HELQ: variants seen among roughly 807,000 people sequenced by gnomAD.
HELQ encodes helicase, POLQ like, also known as helicase POLQ-like.
Under a neutral mutation model 111.6 loss-of-function variants are expected in HELQ, and 77 were observed. The observed-to-expected ratio is 0.69, with a 90% CI of 0.57 to 0.83. The LOEUF (loss-of-function observed/expected upper bound fraction) is 0.83, where lower values mean the gene tolerates loss of function less well. HELQ is among the 40% of genes least tolerant of loss of function. HELQ has a pLI of 0.00. For missense variants in HELQ, 1,200 were observed against 1,288.5 expected, an observed-to-expected ratio of 0.93 and a Z score of 1.05; for synonymous variants, 438 against 454.7, an observed-to-expected ratio of 0.96 and a Z score of 0.47.
At position 83,455,509 on chromosome 4, in the gene HELQ, TCAA is replaced by T. The variant is rs751643500; in HGVS notation, c.182_184del (p.Val61del). ...ATCTGAGAGTAGAAGGGGCTGTACC[TCAA>T]CCGGCAGTACGCCCGCGGTTTTCCG... On this transcript the variant is annotated inframe_deletion, in exon 1 of 18. Coordinates refer to ENST00000295488, the MANE Select transcript of HELQ (RefSeq NM_133636.5). The T allele has an allele frequency of 2.4e-5, 38 of 1,614,028 alleles. No individual in the cohort carries two copies. The Admixed American group carries it at 5.3e-4, about 23-fold the overall frequency.
chr4:83,417,571 C>T (rs746113488), intron 16 of HELQ, among the ~76,000 whole-genome samples: 5 of 152,158 alleles, frequency 3.3e-5, no homozygotes, highest in Middle Eastern at 3.4e-3. Flanking sequence ...TGTGTGTGTG[C>T]GTGTGTCCTA....
intron 9 of HELQ, among the ~76,000 whole-genome samples, chr4:83,433,529 G>T (rs528854220): frequency 6.6e-6 from 1 of 151,990 alleles, no homozygotes; most frequent in Non-Finnish European, 1.5e-5. Flanking sequence ...AGCTGGTCGT[G>T]GTGGCAGGCG....
In HELQ at chr4:83,453,598, A is replaced by G. The variant is rs757237534; in HGVS notation, c.645T>C (p.Asp215=). 156 of 1,612,348 alleles carry G rather than the reference A, an allele frequency of 9.7e-5. No individual in the cohort carries two copies. The highest frequency in any genetic ancestry group is 1.3e-4 in the Non-Finnish European group (155 of 1,178,606). ...NLQNSSNDLG[D]HSMKERDWKS... is the part of the protein sequence containing the mutation. ...TCCAATCCCTTTCTTTCATAGAATG[A>G]TCACCCAAATCATTTGAAGAGTTCT... is the stretch of plus-strand genomic sequence containing the variant. Residue 215 remains aspartate, a synonymous_variant, in exon 2 of 18, where the codon GAT becomes GAC. Transcript: ENST00000295488.
intron 6 of HELQ, among the ~76,000 whole-genome samples, chr4:83,442,341 T>G (rs1426886709): frequency 6.9e-6 from 1 of 144,468 alleles, no homozygotes; most frequent in Non-Finnish European, 1.5e-5. Context: ...AAACACAGCT[T>G]ACTGTATCCT....
intron 14 of HELQ, among the ~76,000 whole-genome samples, chr4:83,424,177 A>C (rs771753092): frequency 8.5e-5 from 13 of 152,190 alleles, no homozygotes; most frequent in Non-Finnish European, 1.8e-4. Flanking sequence ...ATGTAACAAA[A>C]ATAAATTCTG....
chr4:83,423,449 C>T (rs781227647), intron 14 of HELQ, among the ~76,000 whole-genome samples: 1 of 152,150 alleles, frequency 6.6e-6, no homozygotes, highest in East Asian at 1.9e-4. Flanking sequence ...AGTATGACAG[C>T]TGAACATCAA....
chr4:83,416,961 A>G, intron 16 of HELQ, 96 bp from the exon 17 acceptor site: 1 of 1,033,822 alleles, frequency 9.7e-7, no homozygotes, highest in East Asian at 2.5e-5. Context: ...TGCATGTAAG[A>G]GACTGGGATA....
chr4:83,440,637 A>G (rs1720710289), intron 7 of HELQ, among the ~76,000 whole-genome samples: 1 of 152,252 alleles, frequency 6.6e-6, no homozygotes, highest in South Asian at 2.1e-4. Flanking sequence ...TCCTTCATAC[A>G]AGTCATAAAA....
chr4:83,418,837 G>C (rs1427430579), intron 15 of HELQ, among the ~76,000 whole-genome samples: 1 of 152,170 alleles, frequency 6.6e-6, no homozygotes, highest in Non-Finnish European at 1.5e-5. Flanking sequence ...ACGTAATGAA[G>C]ATGGCAGAGT....
intron 17 of HELQ, among the ~76,000 whole-genome samples, chr4:83,409,703 TGAG>T (rs1738986861): frequency 6.6e-6 from 1 of 152,002 alleles, no homozygotes; most frequent in South Asian, 2.1e-4. Context: ...TCTGGAGATA[TGAG>T]GAGGAGTAGA....
intron 5 of HELQ, among the ~76,000 whole-genome samples, chr4:83,443,871 C>T (rs550772465): frequency 7.3e-4 from 111 of 152,038 alleles, no homozygotes; most frequent in African/African-American, 2.6e-3. Flanking sequence ...ATAGTAAGAC[C>T]TCATCTCTAC....
chr4:83,419,356 C>A (rs1578069899), intron 15 of HELQ, among the ~76,000 whole-genome samples: 1 of 147,330 alleles, frequency 6.8e-6, no homozygotes, highest in Non-Finnish European at 1.5e-5. Context: ...GGTGGGAGGA[C>A]TGCTTGAGTC....
intron 11 of HELQ, among the ~76,000 whole-genome samples, 197 bp from the exon 12 acceptor site, chr4:83,429,943 T>C (rs1720051776): frequency 1.3e-5 from 2 of 152,174 alleles, no homozygotes; most frequent in Admixed American, 6.5e-5. Context: ...ATGATAGTTA[T>C]TATATTCATG....
At chr4:83,454,194 C>T (rs943695023) in intron 1 of HELQ, among the ~76,000 whole-genome samples, 2 of 152,172 alleles carry the variant, frequency 1.3e-5, no homozygotes, top group Non-Finnish European at 2.9e-5. Context: ...CAGAGTGGGA[C>T]TCTGTCTCAA....
In HELQ at chr4:83,407,507, T is replaced by C. The variant is rs1403411734; in HGVS notation, c.3252A>G (p.Leu1084=). 6.2e-7 allele frequency: 1 copy of C among 1,611,780 alleles called. No homozygotes were observed. Among genetic ancestry groups the C allele is most frequent in the African/African-American group, 1.3e-5 (1 of 74,816 alleles). ...CACCAGGGAAATCAGAAGGCAATCT[T>C]AGTAACTCTTCTACCTCTTCTTGCA... ...EALQEEVEEL[L]RLPSDFPGAV... is the part of the protein sequence containing the mutation. Residue 1084 remains leucine, a synonymous_variant, in exon 18 of 18, where the codon CTA becomes CTG. Coordinates refer to ENST00000295488, the MANE Select transcript of HELQ (RefSeq NM_133636.5).
chr4:83,446,297 T>A (rs964329070), intron 4 of HELQ, among the ~76,000 whole-genome samples: 2 of 144,018 alleles, frequency 1.4e-5, no homozygotes, highest in African/African-American at 2.5e-5. Flanking sequence ...CTGGGATTCA[T>A]AAGTACTACT....
In HELQ at chr4:83,420,510, C is replaced by T. The variant is rs535060338; in HGVS notation, c.2949+1053G>A. On this transcript the variant is annotated intron_variant, in intron 15 of 17. Coordinates refer to ENST00000295488, the MANE Select transcript of HELQ (RefSeq NM_133636.5). Reference sequence around the variant, plus strand: ...AAAAAAATTTAAAAAATTGGTTGGGCGCTGTGGCTCATGCCTGTAATCCCA... The same window carrying T: ...AAAAAAATTTAAAAAATTGGTTGGGTGCTGTGGCTCATGCCTGTAATCCCA... Among the ~76,000 whole-genome samples the T allele has an allele frequency of 1.6e-4, 23 of 143,574 alleles. No homozygotes were observed. The South Asian group carries it at 5.3e-3, about 33-fold the overall frequency. The allele number at this position is 143,574 out of a possible 152,430, so 94.2% of individuals were successfully genotyped here.
intron 2 of HELQ, 127 bp from the exon 3 acceptor site, chr4:83,449,088 A>G (rs1721212461): frequency 5.5e-6 from 4 of 722,670 alleles, no homozygotes; most frequent in East Asian, 2.8e-5. Flanking sequence ...ATTTAATTAT[A>G]ACCAATGTTA....
chr4:83,450,222 TAAAAAAAAAAAAAAAAAA>T (rs71668650), intron 2 of HELQ, among the ~76,000 whole-genome samples: 2 of 45,594 alleles, frequency 4.4e-5, no homozygotes, highest in East Asian at 1.1e-3. Context: ...CAGTTAAGTT[TAAAAAAAAAAAAAAAAAA>T]AAAAAAAAAA....
Sources: allele counts gnomAD v4.1 joint callset (sites outside exome capture counted in the v4.1 genomes callset), GRCh38; gene constraint gnomAD v4.1.1; transcripts MANE v1.5; gene names NCBI Gene and HGNC (gene_info 2026-07-23, HGNC 2026-07-21).